TRPC6: variants seen among roughly 807,000 people sequenced by gnomAD.
TRPC6 encodes the protein short transient receptor potential channel 6.
A neutral mutation model predicts 90.7 loss-of-function variants in TRPC6; 55 were observed. The observed-to-expected ratio is 0.61, with a 90% CI of 0.49 to 0.76. TRPC6 has a LOEUF of 0.76. TRPC6 is among the 30% of genes least tolerant of loss of function. The probability of loss-of-function intolerance (pLI) is 0.00; values close to 1 mark genes in which losing one functional copy is unlikely to be tolerated. For synonymous variants in TRPC6, 393 were observed against 393.0 expected (o/e 1.00, Z 0.00); for missense variants, 989 against 1,122.7 (o/e 0.88, Z 1.70).
intron 1 of TRPC6, among the ~76,000 whole-genome samples, chr11:101,537,446 A>G (rs1002883844): frequency 7.9e-5 from 12 of 152,150 alleles, no homozygotes; most frequent in African/African-American, 2.6e-4. Flanking sequence ...ACATTTGGCC[A>G]TATACACTAT....
At chr11:101,567,012 A>C (rs1045418796) in intron 1 of TRPC6, among the ~76,000 whole-genome samples, 11 of 134,078 alleles carry the variant, frequency 8.2e-5, no homozygotes, top group African/African-American at 3.1e-4. Context: ...CTGGAACGCC[A>C]GTGAGACAGA....
intron 1 of TRPC6, among the ~76,000 whole-genome samples, chr11:101,549,131 C>T (rs375127905): frequency 1.3e-5 from 2 of 151,696 alleles, no homozygotes; most frequent in Non-Finnish European, 2.9e-5. Context: ...ATGGGAGGAG[C>T]TGAATATTAG....
chr11:101,500,201 A>ATTT (rs201999926), intron 2 of TRPC6, among the ~76,000 whole-genome samples: 2 of 122,584 alleles, frequency 1.6e-5, no homozygotes, highest in Non-Finnish European at 3.4e-5. Flanking sequence ...CAAAATGTGT[A>ATTT]TTTTTTTTCT....
intron 2 of TRPC6, among the ~76,000 whole-genome samples, chr11:101,501,758 C>A (rs777877316): frequency 6.6e-6 from 1 of 152,114 alleles, no homozygotes; most frequent in Non-Finnish European, 1.5e-5. Flanking sequence ...AAAAATCAAG[C>A]CAGTAACTGC....
intron 1 of TRPC6, among the ~76,000 whole-genome samples, chr11:101,540,036 A>C (rs538940381): frequency 6.6e-6 from 1 of 152,364 alleles, no homozygotes; most frequent in African/African-American, 2.4e-5. Flanking sequence ...TTATGTCAAA[A>C]TACAGCAAAT....
intron 10 of TRPC6, among the ~76,000 whole-genome samples, chr11:101,465,871 T>A (rs1859132642): frequency 6.6e-6 from 1 of 152,184 alleles, no homozygotes. Flanking sequence ...GAAGAGGCAT[T>A]CTGGTTTTTG....
chr11:101,453,429 A>G (rs949180815), intron 12 of TRPC6, among the ~76,000 whole-genome samples: 40 of 152,064 alleles, frequency 2.6e-4, no homozygotes, highest in African/African-American at 9.7e-4. Context: ...CCACCATAAG[A>G]ATGAGAGCTT....
chr11:101,453,824 C>G (rs1858821485), intron 11 of TRPC6, 99 bp from the exon 12 acceptor site: 1 of 1,105,500 alleles, frequency 9.0e-7, no homozygotes, highest in Admixed American at 1.8e-5. Flanking sequence ...GTAGTGAGCC[C>G]TTTGGAAGTG....
chr11:101,494,553 A>C (rs1393668575), intron 2 of TRPC6, among the ~76,000 whole-genome samples: 2 of 152,196 alleles, frequency 1.3e-5, no homozygotes, highest in African/African-American at 2.4e-5. Context: ...TTGAATGTAG[A>C]GTTCAAGTAT....
rs148953346 is a variant in TRPC6, at chr11:101,464,041, T to G, written c.2484+5386A>C. ...CATTGGTTTCAAAGGACATCTTTAT[T>G]TCTGCCTTCATTTCATTGTTTACCC... On this transcript the variant is annotated intron_variant, in intron 10 of 12. Coordinates refer to ENST00000344327, the MANE Select transcript of TRPC6 (RefSeq NM_004621.6). Among the ~76,000 whole-genome samples, 51 of 152,348 alleles carry G rather than the reference T, an allele frequency of 3.3e-4. No individual in the cohort carries two copies. In the East Asian group the frequency reaches 7.7e-3, roughly 23 times the overall value.
At chr11:101,553,646 A>T (rs1861499386) in intron 1 of TRPC6, among the ~76,000 whole-genome samples, 1 of 152,172 alleles carries the variant, frequency 6.6e-6, no homozygotes, top group South Asian at 2.1e-4. Context: ...CTCCCTCTCA[A>T]CCAGCTCACC....
intron 1 of TRPC6, among the ~76,000 whole-genome samples, chr11:101,575,384 A>T (rs1478392484): frequency 6.6e-6 from 1 of 152,176 alleles, no homozygotes. Context: ...TAAGAGATAA[A>T]ACAAAATCCT....
intron 2 of TRPC6, among the ~76,000 whole-genome samples, chr11:101,503,137 G>C (rs942818221): frequency 2.3e-4 from 35 of 152,174 alleles, no homozygotes; most frequent in African/African-American, 8.4e-4. Flanking sequence ...AACAGGTAGA[G>C]GGAGTTTAGA....
intron 1 of TRPC6, among the ~76,000 whole-genome samples, chr11:101,573,948 G>A (rs1486102628): frequency 1.5e-5 from 2 of 132,742 alleles, no homozygotes; most frequent in Admixed American, 1.5e-4. Context: ...GTGTGTGTGT[G>A]TGTGTGTGTA....
chr11:101,484,575 A>ATT (rs2136693597), intron 4 of TRPC6, among the ~76,000 whole-genome samples: 2 of 146,388 alleles, frequency 1.4e-5, no homozygotes, highest in Non-Finnish European at 3.0e-5. Context: ...ATTGTATTGT[A>ATT]TCTCTCTCTC....
At chr11:101,514,913 TGG>T (rs757543526) in intron 1 of TRPC6, among the ~76,000 whole-genome samples, 59 of 152,266 alleles carry the variant, frequency 3.9e-4, no homozygotes, top group Non-Finnish European at 7.6e-4. Flanking sequence ...GCAAAATATT[TGG>T]AAGAACAAAG....
chr11:101,507,660 G>A (rs1253299711), intron 1 of TRPC6, among the ~76,000 whole-genome samples: 1 of 152,062 alleles, frequency 6.6e-6, no homozygotes, highest in Non-Finnish European at 1.5e-5. Flanking sequence ...GATAATTTTG[G>A]AGGCCTTGCT....
intron 1 of TRPC6, among the ~76,000 whole-genome samples, chr11:101,507,006 A>AACACACACACAC (rs10590147): frequency 6.9e-5 from 9 of 131,168 alleles, no homozygotes; most frequent in African/African-American, 2.3e-4. Context: ...CTCTCTCTCT[A>AACACACACACAC]ACACACACAC....
rs61890854 is a variant in TRPC6, at chr11:101,473,988, G to A, written c.1745-215C>T. 3.3e-5 allele frequency among the ~76,000 whole-genome samples: 5 copies of A among 152,094 alleles called. 1 individual carries two copies. The South Asian group carries it at 1.0e-3, about 32-fold the overall frequency. On this transcript the variant is annotated intron_variant, in intron 6 of 12. Coordinates refer to ENST00000344327, the MANE Select transcript of TRPC6 (RefSeq NM_004621.6). The stretch of plus-strand genomic sequence containing the variant: ...GGTTTACTAGCAATTTCCCATAAGG[G>A]GATAGCATAATAGTTAAGAGTTCAG...
Sources: gnomAD v4.1 joint callset for allele counts (sites outside exome capture counted in the v4.1 genomes callset) on GRCh38, gnomAD v4.1.1 for gene constraint, MANE v1.5 for transcripts, NCBI Gene and HGNC (gene_info 2026-07-23, HGNC 2026-07-21) for gene names.